The following PDE4D variants were observed in gnomAD, a reference collection of about 807,000 sequenced individuals.
PDE4D encodes the protein phosphodiesterase 4D, also known as 3',5'-cyclic-AMP phosphodiesterase 4D.
In PDE4D, 24 loss-of-function variants were observed where a neutral mutation model predicts 87.4. The ratio of observed to expected loss-of-function variants is 0.27; its 90% CI spans 0.20 to 0.39. The LOEUF is 0.39. PDE4D is among the 10% of genes least tolerant of loss of function. The pLI is 1.00. For missense variants in PDE4D, 714 were observed against 1,041.0 expected (o/e 0.69, Z 4.32); for synonymous variants, 384 against 383.2 (o/e 1.00, Z -0.02).
chr5:59,243,229 G>C (rs1758040030), intron 1 of PDE4D, among the ~76,000 whole-genome samples: 1 of 152,022 alleles, frequency 6.6e-6, no homozygotes, highest in East Asian at 1.9e-4. Flanking sequence ...CTCAACTTCT[G>C]AATTGATCAT....
chr5:59,078,864 G>A (rs1023693276), intron 5 of PDE4D, among the ~76,000 whole-genome samples: 1 of 152,138 alleles, frequency 6.6e-6, no homozygotes, highest in African/African-American at 2.4e-5. Flanking sequence ...TTGCCCTGAT[G>A]TAAGGGTTAA....
At chr5:59,439,214 C>T (rs1441942152) in intron 1 of PDE4D, among the ~76,000 whole-genome samples, 1 of 152,088 alleles carries the variant, frequency 6.6e-6, no homozygotes, top group Non-Finnish European at 1.5e-5. Context: ...CAAAAATTAG[C>T]TGTGCATGGT....
Position 59,039,707 on chromosome 5 carries a change from C to A in PDE4D, c.809-736G>T, listed in dbSNP as rs548348220. 1.1e-3 allele frequency: 196 copies of A among 185,288 alleles called. 1 individual carries two copies. Among genetic ancestry groups the A allele is most frequent in the African/African-American group, 4.4e-3 (187 of 42,172 alleles). The allele number at this position is 185,288 out of a possible 1,614,324, so 11.5% of individuals were successfully genotyped here. A position where few individuals can be genotyped will look rare whatever the true frequency, so the allele number is the denominator to read the frequency against. ...GTGCCACCCGCCGCGTCCTTCCCCT[C>A]GAGCTCTGCCCCGGGGGCCCCGCCA... On this transcript the variant is annotated intron_variant, in intron 5 of 14. Transcript: ENST00000340635.
At chr5:59,837,301 C>T (rs990673546) in intron 1 of PDE4D, among the ~76,000 whole-genome samples, 2 of 152,060 alleles carry the variant, frequency 1.3e-5, no homozygotes, top group Non-Finnish European at 2.9e-5. Context: ...CTAGCCAGGT[C>T]TAACTCTCTG....
chr5:59,340,510 A>G (rs548637130), intron 1 of PDE4D, among the ~76,000 whole-genome samples: 1 of 152,322 alleles, frequency 6.6e-6, no homozygotes, highest in East Asian at 1.9e-4. Flanking sequence ...CATCACCTCA[A>G]TAATTTATCC....
At chr5:60,483,190 A>T (rs1370448097) in intron 1 of PDE4D, among the ~76,000 whole-genome samples, 1 of 151,960 alleles carries the variant, frequency 6.6e-6, no homozygotes, top group Non-Finnish European at 1.5e-5. Context: ...ACAGAGTTTC[A>T]CTCTGTTGCC....
intron 2 of PDE4D, among the ~76,000 whole-genome samples, chr5:60,148,543 A>G (rs971062056): frequency 1.3e-5 from 2 of 152,308 alleles, no homozygotes; most frequent in African/African-American, 4.8e-5. Flanking sequence ...TCTGGAATCA[A>G]TCCCCTACAG....
At chr5:59,150,412 A>G (rs1424429807) in intron 5 of PDE4D, among the ~76,000 whole-genome samples, 4 of 152,094 alleles carry the variant, frequency 2.6e-5, no homozygotes, top group Non-Finnish European at 5.9e-5. Flanking sequence ...CTGGGCTTCC[A>G]TTCTTATAGA....
At chr5:59,881,565 G>T (rs114566256) in intron 1 of PDE4D, among the ~76,000 whole-genome samples, 5,386 of 152,136 alleles carry the variant, frequency 0.035, 151 homozygotes, top group African/African-American at 0.071. Flanking sequence ...ACATGGTAAA[G>T]GTTGTCTGAA....
chr5:59,050,201 A>G lies in PDE4D; in HGVS notation c.809-11230T>C, dbSNP rs557376906. ...AGAATCACTTGAACCCGGGAGGCGGAGGTTACAGTGAGCCGAGATTGTGCC... is the reference window on the plus strand; with the variant it reads ...AGAATCACTTGAACCCGGGAGGCGGGGGTTACAGTGAGCCGAGATTGTGCC... On this transcript the variant is annotated intron_variant, in intron 5 of 14. Transcript: ENST00000340635. 4.3e-3 allele frequency among the ~76,000 whole-genome samples: 648 copies of G among 152,294 alleles called. 1 individual carries two copies. The highest frequency in any genetic ancestry group is 0.015 in the African/African-American group (620 of 41,562).
chr5:59,962,182 T>A (rs532232013), intron 3 of PDE4D, among the ~76,000 whole-genome samples: 37 of 152,252 alleles, frequency 2.4e-4, no homozygotes, highest in South Asian at 6.2e-4. Flanking sequence ...AGACAGTACA[T>A]TGTAACAATT....
intron 5 of PDE4D, among the ~76,000 whole-genome samples, chr5:59,126,698 A>G (rs1775452513): frequency 6.6e-6 from 1 of 152,144 alleles, no homozygotes; most frequent in African/African-American, 2.4e-5. Context: ...TTATGTGCCT[A>G]TGTCCTTTTG....
At chr5:59,926,711 G>A (rs1336342229) in intron 3 of PDE4D, among the ~76,000 whole-genome samples, 4 of 152,246 alleles carry the variant, frequency 2.6e-5, no homozygotes, top group African/African-American at 9.6e-5. Context: ...TGATACTGCT[G>A]AAATTAGAAG....
chr5:59,428,809 TG>T (rs1444929297), intron 1 of PDE4D, among the ~76,000 whole-genome samples: 1 of 152,204 alleles, frequency 6.6e-6, no homozygotes, highest in African/African-American at 2.4e-5. Context: ...AAGCTCCAGA[TG>T]TAATAAGTTA....
At chr5:59,660,235 T>C (rs971103089) in intron 1 of PDE4D, among the ~76,000 whole-genome samples, 1 of 152,060 alleles carries the variant, frequency 6.6e-6, no homozygotes, top group Non-Finnish European at 1.5e-5. Flanking sequence ...TTAGTAACTT[T>C]TGCATTTCAT....
intron 1 of PDE4D, among the ~76,000 whole-genome samples, chr5:59,890,931 A>G (rs1750866722): frequency 6.6e-6 from 1 of 152,262 alleles, no homozygotes; most frequent in Non-Finnish European, 1.5e-5. Flanking sequence ...TTAAAGAATG[A>G]AACTAATATC....
At chr5:59,122,604 T>A (rs1193356204) in intron 5 of PDE4D, among the ~76,000 whole-genome samples, 1 of 152,242 alleles carries the variant, frequency 6.6e-6, no homozygotes, top group Non-Finnish European at 1.5e-5. Context: ...TCCATCATTA[T>A]ACATATTGTG....
chr5:59,109,098 T>C (rs911626971), intron 5 of PDE4D, among the ~76,000 whole-genome samples: 4 of 151,846 alleles, frequency 2.6e-5, no homozygotes, highest in Non-Finnish European at 5.9e-5. Flanking sequence ...TCCAGTTCTT[T>C]TTTTCTTACT....
intron 2 of PDE4D, among the ~76,000 whole-genome samples, chr5:60,118,787 TTATGAAAATGCAGCTCACTGCCTTTTAAA>T (rs1778402925): frequency 6.6e-6 from 1 of 152,048 alleles, no homozygotes. Context: ...AGAGTGGTGT[TTATGAAAATGCAGCTCACTGCCTTTTAAA>T]TCCATTTCCA....
Sources: allele counts gnomAD v4.1 joint callset (sites outside exome capture counted in the v4.1 genomes callset), GRCh38; gene constraint gnomAD v4.1.1; transcripts MANE v1.5; gene names NCBI Gene and HGNC (gene_info 2026-07-23, HGNC 2026-07-21).